Variants in KDM2B observed in about 807,000 individuals in gnomAD.
The protein encoded by KDM2B is lysine demethylase 2B.
Under a neutral mutation model 150.0 loss-of-function variants are expected in KDM2B, and 26 were observed. The ratio of observed to expected loss-of-function variants is 0.17; its 90% CI spans 0.13 to 0.24. KDM2B has a LOEUF of 0.24. KDM2B is among the 10% of genes least tolerant of loss of function. The probability of loss-of-function intolerance (pLI) is 1.00; values close to 1 mark genes in which losing one functional copy is unlikely to be tolerated. For missense variants in KDM2B, 1,265 were observed against 1,816.9 expected, an observed-to-expected ratio of 0.70 and a Z score of 5.52; for synonymous variants, 734 against 729.5, an observed-to-expected ratio of 1.01 and a Z score of -0.10.
rs1891369397 is a variant in KDM2B, at chr12:121,574,602, AGAG to A, written c.351-12_351-10del. The A allele has an allele frequency of 6.2e-7, 1 of 1,613,770 alleles. No individual in the cohort carries two copies. The highest frequency in any genetic ancestry group is 1.7e-5 in the Admixed American group (1 of 59,990). Reference sequence around the variant, plus strand: ...AATCAGGGTCAGGCATCCTGGGGAAAGAGGAGCACAGACCTTTGGTGAGAGGCC... The same window carrying A: ...AATCAGGGTCAGGCATCCTGGGGAAAGAGCACAGACCTTTGGTGAGAGGCC... On this transcript the variant is annotated splice_polypyrimidine_tract_variant and intron_variant, in intron 3 of 22. Transcript: ENST00000377071.
intron 22 of KDM2B, among the ~76,000 whole-genome samples, chr12:121,435,339 G>A (rs1242599302): frequency 1.3e-5 from 2 of 152,118 alleles, no homozygotes; most frequent in African/African-American, 2.4e-5. Flanking sequence ...CTGGAGAAGA[G>A]GTAACAATTT....
chr12:121,534,411 G>A (rs1594071872), intron 7 of KDM2B, 86 bp downstream of exon 7: 1 of 927,952 alleles, frequency 1.1e-6, no homozygotes, highest in Non-Finnish European at 1.8e-6. Flanking sequence ...GGAGGAGGGA[G>A]GTGGGAGGAG....
At chr12:121,413,932 T>A in the KDM2B span, among the ~76,000 whole-genome samples, 1 of 152,184 alleles carries the variant, frequency 6.6e-6, no homozygotes, top group Non-Finnish European at 1.5e-5. Context: ...TGAAGACTTA[T>A]AATATTGAAA....
At chr12:121,493,456 G>A (rs1883580816) in intron 12 of KDM2B, among the ~76,000 whole-genome samples, 3 of 152,152 alleles carry the variant, frequency 2.0e-5, no homozygotes, top group African/African-American at 2.4e-5. Context: ...CAAGGAAGTA[G>A]TGAAGCTGCG....
intron 6 of KDM2B, among the ~76,000 whole-genome samples, chr12:121,538,052 C>G (rs1888302153): frequency 6.6e-6 from 1 of 151,366 alleles, no homozygotes; most frequent in African/African-American, 2.4e-5. Context: ...TGCCAGGCCC[C>G]GGCCGAGGAC....
rs551303583 is a variant in KDM2B at position 121,547,680 on chromosome 12, C to T, written c.683+1197G>A. The stretch of plus-strand genomic sequence containing the variant: ...TTTTTTTTTTTTTGAGACAGAGTCT[C>T]GCTCTGTCGCCCAGGCTGGAGTGCA... On this transcript the variant is annotated intron_variant, in intron 6 of 22. Transcript: ENST00000377071. Among the ~76,000 whole-genome samples, 5 of 142,934 alleles carry T rather than the reference C, an allele frequency of 3.5e-5. No homozygotes were observed. In the South Asian group the frequency reaches 1.1e-3, roughly 32 times the overall value. The allele number at this position is 142,934 out of a possible 152,430, so 93.8% of individuals were successfully genotyped here.
At position 121,467,424 on chromosome 12, in the gene KDM2B, C is replaced by T. The variant is rs1880201393; in HGVS notation, c.1735-14080G>A. On this transcript the variant is annotated intron_variant, in intron 12 of 22. Transcript: ENST00000377071. The surrounding 1 kb of genome is among the most constrained non-coding windows in gnomAD (Gnocchi z 5.1). Reference sequence around the variant, plus strand: ...GGCGGGGGAGGGCCGGGGCGCCATGCATATGCATGAGGCGAGCCAGGAAGG... The same window carrying T: ...GGCGGGGGAGGGCCGGGGCGCCATGTATATGCATGAGGCGAGCCAGGAAGG... The T allele has an allele frequency of 2.0e-5, 17 of 858,826 alleles. No individual in the cohort carries two copies. Among genetic ancestry groups the T allele is most frequent in the Non-Finnish European group, 2.4e-5 (17 of 717,076 alleles). The allele number at this position is 858,826 out of a possible 1,614,324, so 53.2% of individuals were successfully genotyped here.
the KDM2B span, among the ~76,000 whole-genome samples, chr12:121,408,697 TG>T: frequency 6.6e-6 from 1 of 152,160 alleles, no homozygotes; most frequent in Non-Finnish European, 1.5e-5. Context: ...ATCTTCTGGA[TG>T]GATTCTTCAT....
In KDM2B at chr12:121,523,554, C is replaced by T. The variant is rs139732177; in HGVS notation, c.932-2454G>A. Among the ~76,000 whole-genome samples, 962 of 152,370 alleles carry T rather than the reference C, an allele frequency of 6.3e-3. 7 individuals are homozygous for T. Among genetic ancestry groups the T allele is most frequent in the African/African-American group, 0.022 (926 of 41,582 alleles). Reference sequence around the variant, plus strand: ...TCTGTCCCCCAATGAAACACGCCAGCCCTGAGTCATGGGTGGTCACCACTG... The same window carrying T: ...TCTGTCCCCCAATGAAACACGCCAGTCCTGAGTCATGGGTGGTCACCACTG... On this transcript the variant is annotated intron_variant, in intron 8 of 22. Coordinates refer to ENST00000377071, the MANE Select transcript of KDM2B (RefSeq NM_032590.5).
At chr12:121,580,403 G>C (rs1891881217) in intron 1 of KDM2B, 2 of 1,151,846 alleles carry the variant, frequency 1.7e-6, no homozygotes, top group African/African-American at 3.2e-5. Context: ...GGGCGGGGAG[G>C]GAGCCCGGGA....
chr12:121,477,393 A>AT (rs1163397154), intron 12 of KDM2B, among the ~76,000 whole-genome samples: 1 of 151,674 alleles, frequency 6.6e-6, no homozygotes, highest in Non-Finnish European at 1.5e-5. Context: ...ATATGTATTT[A>AT]TTTTTTTAAG....
intron 6 of KDM2B, among the ~76,000 whole-genome samples, chr12:121,547,694 G>C (rs778788412): frequency 9.4e-5 from 14 of 148,284 alleles, no homozygotes; most frequent in Non-Finnish European, 2.1e-4. Flanking sequence ...CTGTCGCCCA[G>C]GCTGGAGTGC....
chr12:121,471,278 G>C (rs1410925435), intron 12 of KDM2B, among the ~76,000 whole-genome samples: 3 of 152,086 alleles, frequency 2.0e-5, no homozygotes, highest in Non-Finnish European at 2.9e-5. Context: ...TATATTCTTA[G>C]AAAGAGGTCC....
intron 12 of KDM2B, among the ~76,000 whole-genome samples, chr12:121,488,923 C>T (rs564574177): frequency 6.6e-6 from 1 of 152,168 alleles, no homozygotes; most frequent in Admixed American, 6.6e-5. Context: ...TCCTTCCTGC[C>T]TGAGCCTCTC....
At chr12:121,440,337 G>A (rs1874768156) in intron 21 of KDM2B, 2 of 518,294 alleles carry the variant, frequency 3.9e-6, no homozygotes, top group African/African-American at 3.8e-5. Flanking sequence ...CAGCCAACCA[G>A]TGCAGAGGCT....
At chr12:121,512,119 T>C (rs1555304113) in intron 10 of KDM2B, among the ~76,000 whole-genome samples, 1 of 152,126 alleles carries the variant, frequency 6.6e-6, no homozygotes, top group African/African-American at 2.4e-5. Context: ...CCAGCCTCTG[T>C]CTCCGGGGGA....
rs1555288630 is a variant in KDM2B, at chr12:121,442,392, G to A, written c.3049C>T (p.Arg1017Cys). 9 of 1,593,088 alleles carry A rather than the reference G, an allele frequency of 5.6e-6. No individual in the cohort carries two copies. Among genetic ancestry groups the A allele is most frequent in the Non-Finnish European group, 6.0e-6 (7 of 1,172,332 alleles). The change falls in exon 19 of 23, where the codon CGC becomes TGC. Residue 1017 changes from arginine (R) to cysteine (C), a missense_variant. Arg to Cys is a radical substitution (Grantham distance 180, BLOSUM62 -3). Coordinates refer to ENST00000377071, the MANE Select transcript of KDM2B (RefSeq NM_032590.5). This position sits in a 1 kb window ranked among gnomAD's most constrained non-coding sequence, Gnocchi z 7.7. ...ELRHQLGPSL[R>C]SPPRVISRPP... The stretch of plus-strand genomic sequence containing the variant: ...CGGGAGATGACACGGGGCGGGCTGC[G>A]CAGGCTGGGCCCCAGCTGGTGCCGC...
chr12:121,441,214 A>G lies in KDM2B; in HGVS notation c.3304T>C (p.Trp1102Arg). The change falls in exon 20 of 23, where the codon TGG (tryptophan) becomes CGG (arginine). Residue 1102 changes from tryptophan (W) to arginine (R), a missense_variant. By Grantham distance (101) the Trp-to-Arg change is moderately radical. Around this residue, in one of 11 missense-constraint regions of KDM2B, gnomAD observed 251 missense variants for 397.8 expected, o/e 0.63. Transcript: ENST00000377071. ...WNRWCCDKRL[W>R]TRIDLNHCKS... ...CAGTGGTTCAGGTCAATGCGGGTCC[A>G]CAACCGCTTATCGCAGCACCTGGGG... The G allele has an allele frequency of 6.2e-7, 1 of 1,614,102 alleles. No individual in the cohort carries two copies. Among genetic ancestry groups the G allele is most frequent in the Non-Finnish European group, 8.5e-7 (1 of 1,179,988 alleles).
At chr12:121,502,482 G>A (rs1290138443) in intron 11 of KDM2B, among the ~76,000 whole-genome samples, 3 of 151,846 alleles carry the variant, frequency 2.0e-5, no homozygotes, top group East Asian at 1.9e-4. Context: ...TTAGCTGGGC[G>A]TGGTGGCGCA....
Sources: allele counts gnomAD v4.1 joint callset (sites outside exome capture counted in the v4.1 genomes callset), GRCh38; gene constraint gnomAD v4.1.1; regional missense constraint gnomAD v4.1.1; non-coding constraint Gnocchi (gnomAD v3.1); transcripts MANE v1.5; gene names NCBI Gene and HGNC (gene_info 2026-07-23, HGNC 2026-07-21).